Variants in PCDH15 observed in about 807,000 individuals in gnomAD.
The protein encoded by PCDH15 is protocadherin related 15.
A neutral mutation model predicts 178.5 loss-of-function variants in PCDH15; 129 were observed. The ratio of observed to expected loss-of-function variants is 0.72; its 90% CI spans 0.63 to 0.84. PCDH15 has a LOEUF of 0.84. Among genes scored for constraint, PCDH15 ranks in the 40% least tolerant of loss-of-function variants. The pLI is 0.00. For missense variants in PCDH15, 2,230 were observed against 2,099.9 expected, an observed-to-expected ratio of 1.06 and a Z score of -1.21; for synonymous variants, 800 against 732.0, an observed-to-expected ratio of 1.09 and a Z score of -1.50.
At chr10:55,047,118 T>A (rs1004112902) in intron 2 of PCDH15, among the ~76,000 whole-genome samples, 1 of 151,922 alleles carries the variant, frequency 6.6e-6, no homozygotes, top group South Asian at 2.1e-4. Flanking sequence ...AAATGTTATC[T>A]GATAAATATT....
At chr10:54,621,324 G>T (rs1175256518) in intron 2 of PCDH15, among the ~76,000 whole-genome samples, 1 of 151,834 alleles carries the variant, frequency 6.6e-6, no homozygotes, top group East Asian at 1.9e-4. Flanking sequence ...CATATTAAAT[G>T]GTTCAATTTA....
chr10:54,598,198 T>C (rs1590375794), intron 2 of PCDH15, among the ~76,000 whole-genome samples: 1 of 152,202 alleles, frequency 6.6e-6, no homozygotes, highest in East Asian at 1.9e-4. Flanking sequence ...TTTAGGCCAA[T>C]ATACTTGATG....
rs560434536 is a variant in PCDH15, at chr10:55,072,252, C to T, written c.-80+94324G>A. Among the ~76,000 whole-genome samples the T allele has an allele frequency of 2.0e-5, 3 of 152,106 alleles. No individual in the cohort carries two copies. In the East Asian group the frequency reaches 5.8e-4, roughly 29 times the overall value. ...AGGCAAGAAATAACTAAAATCAGAG[C>T]AGAACTGAAGGAAATAGAGACATAA... On this transcript the variant is annotated intron_variant, in intron 2 of 5. Coordinates refer to the PCDH15 transcript ENST00000458638.
intron 21 of PCDH15, among the ~76,000 whole-genome samples, chr10:53,981,919 A>G (rs1193620959): frequency 6.6e-6 from 1 of 151,390 alleles, no homozygotes; most frequent in Non-Finnish European, 1.5e-5. Flanking sequence ...CAACCTACTC[A>G]TCTGACAAAG....
At chr10:54,670,997 T>C (rs1308406779) in intron 1 of PCDH15, among the ~76,000 whole-genome samples, 1 of 152,150 alleles carries the variant, frequency 6.6e-6, no homozygotes, top group East Asian at 1.9e-4. Context: ...AGAACCTTCA[T>C]CTAAATCTCA....
chr10:53,989,642 A>C (rs2091332461), intron 21 of PCDH15, among the ~76,000 whole-genome samples: 1 of 152,132 alleles, frequency 6.6e-6, no homozygotes, highest in South Asian at 2.1e-4. Flanking sequence ...GTAGTTCTTG[A>C]TTATTTCCCT....
intron 3 of PCDH15, among the ~76,000 whole-genome samples, chr10:54,823,107 C>A (rs1275389143): frequency 6.6e-6 from 1 of 152,026 alleles, no homozygotes; most frequent in Admixed American, 6.6e-5. Context: ...GTCTCAAACT[C>A]CTGACCTTAA....
chr10:55,242,389 C>T (rs948603735), intron 1 of PCDH15, among the ~76,000 whole-genome samples: 1 of 152,064 alleles, frequency 6.6e-6, no homozygotes, highest in African/African-American at 2.4e-5. Flanking sequence ...GTTGCCACTG[C>T]TTTGCTTGTA....
chr10:54,411,349 G>A (rs2185748), intron 3 of PCDH15, among the ~76,000 whole-genome samples: 71,705 of 151,950 alleles, frequency 0.47, 17,639 homozygotes, highest in Non-Finnish European at 0.53. Context: ...TTTAAAAAAT[G>A]ACAACTGTAG....
chr10:55,292,903 G>A (rs1161105160), intron 1 of PCDH15, among the ~76,000 whole-genome samples: 6 of 152,136 alleles, frequency 3.9e-5, no homozygotes, highest in Admixed American at 1.3e-4. Flanking sequence ...TGCAATTCTG[G>A]GGTCTGGAGG....
At chr10:54,487,808 G>C (rs1308316798) in intron 3 of PCDH15, among the ~76,000 whole-genome samples, 2 of 151,850 alleles carry the variant, frequency 1.3e-5, no homozygotes, top group Non-Finnish European at 2.9e-5. Context: ...TGGTTTTGTA[G>C]GCTAAACCCA....
At chr10:54,482,710 CTTCT>C (rs1043983228) in intron 3 of PCDH15, among the ~76,000 whole-genome samples, 1 of 151,790 alleles carries the variant, frequency 6.6e-6, no homozygotes, top group African/African-American at 2.4e-5. Context: ...CTCCAAAATT[CTTCT>C]TTAACTCACA....
intron 7 of PCDH15, among the ~76,000 whole-genome samples, chr10:54,325,488 C>A (rs577374325): frequency 1.3e-5 from 2 of 152,054 alleles, no homozygotes; most frequent in Non-Finnish European, 2.9e-5. Context: ...GTGGCTCATG[C>A]GTGTAATCCC....
rs939915243 is a variant in PCDH15, at chr10:55,054,305, G to A, written c.-80+112271C>T. Among the ~76,000 whole-genome samples, 49 of 152,192 alleles carry A rather than the reference G, an allele frequency of 3.2e-4. 1 individual carries two copies. Among genetic ancestry groups the A allele is most frequent in the African/African-American group, 1.1e-3 (46 of 41,534 alleles). ...TAGTTTTCTGTTCCTGCATGAGTTT[G>A]CTAAAGATAATGGCTTTCAGCTCCA... On this transcript the variant is annotated intron_variant, in intron 2 of 5. Transcript: ENST00000458638.
chr10:54,471,341 A>G (rs913231577), intron 3 of PCDH15, among the ~76,000 whole-genome samples: 1 of 152,130 alleles, frequency 6.6e-6, no homozygotes, highest in South Asian at 2.1e-4. Flanking sequence ...GGATGCACAA[A>G]GCCCAAACTT....
chr10:54,516,178 T>G (rs2082196627), intron 3 of PCDH15, among the ~76,000 whole-genome samples: 1 of 152,162 alleles, frequency 6.6e-6, no homozygotes, highest in African/African-American at 2.4e-5. Flanking sequence ...GAAGAAGGCT[T>G]CAGATGATCA....
At chr10:54,708,932 A>T (rs1483022674) in intron 1 of PCDH15, among the ~76,000 whole-genome samples, 3 of 152,126 alleles carry the variant, frequency 2.0e-5, no homozygotes, top group African/African-American at 7.2e-5. Context: ...TCAGAAGCAA[A>T]CATTTGTTTT....
intron 13 of PCDH15, among the ~76,000 whole-genome samples, chr10:54,169,242 G>A (rs1396644542): frequency 6.3e-5 from 4 of 63,466 alleles, no homozygotes; most frequent in East Asian, 4.0e-4. Flanking sequence ...CTGCTTGATC[G>A]CCTCGGAAGC....
intron 3 of PCDH15, among the ~76,000 whole-genome samples, chr10:54,844,075 A>G (rs1387058107): frequency 6.6e-6 from 1 of 152,036 alleles, no homozygotes; most frequent in Admixed American, 6.6e-5. Context: ...GCATGATTTA[A>G]AAGAGGTAAA....
Sources: gnomAD v4.1 joint callset for allele counts (sites outside exome capture counted in the v4.1 genomes callset) on GRCh38, gnomAD v4.1.1 for gene constraint, MANE v1.5 for transcripts, NCBI Gene and HGNC (gene_info 2026-07-23, HGNC 2026-07-21) for gene names.